Variants in PIP4K2A observed in about 807,000 individuals in gnomAD.
PIP4K2A encodes the protein phosphatidylinositol-5-phosphate 4-kinase type 2 alpha, also known as phosphatidylinositol 5-phosphate 4-kinase type-2 alpha.
Under a neutral mutation model 42.9 loss-of-function variants are expected in PIP4K2A, and 14 were observed. The observed-to-expected ratio is 0.33, with a 90% CI of 0.22 to 0.51. PIP4K2A has a LOEUF of 0.51. Among genes scored for constraint, PIP4K2A ranks in the 20% least tolerant of loss-of-function variants. PIP4K2A has a pLI of 0.97. For missense variants in PIP4K2A, 434 were observed against 519.8 expected (o/e 0.83, Z 1.61); for synonymous variants, 192 against 192.2 (o/e 1.00, Z 0.01).
At chr10:22,677,586 T>C (rs1481609360) in intron 1 of PIP4K2A, among the ~76,000 whole-genome samples, 2 of 152,232 alleles carry the variant, frequency 1.3e-5, no homozygotes, top group African/African-American at 2.4e-5. Context: ...AGAGGATGAA[T>C]GTGGAAACTG....
chr10:22,678,828 C>T (rs1290622005), intron 1 of PIP4K2A, among the ~76,000 whole-genome samples: 2 of 152,182 alleles, frequency 1.3e-5, no homozygotes, highest in Non-Finnish European at 2.9e-5. Context: ...TAGGTTATGT[C>T]TATCAATAGG....
At chr10:22,543,638 C>G (rs560845731) in intron 7 of PIP4K2A, among the ~76,000 whole-genome samples, 1 of 152,320 alleles carries the variant, frequency 6.6e-6, no homozygotes, top group Admixed American at 6.5e-5. Context: ...TTCCAGCAGT[C>G]AGAGACTGCG....
intron 1 of PIP4K2A, among the ~76,000 whole-genome samples, chr10:22,639,016 C>A (rs1838724304): frequency 6.6e-6 from 1 of 152,110 alleles, no homozygotes; most frequent in Admixed American, 6.5e-5. Flanking sequence ...CCACCAGAAG[C>A]CCTAGCCCAT....
chr10:22,571,885 C>T (rs1051134765), intron 5 of PIP4K2A, among the ~76,000 whole-genome samples: 9 of 152,186 alleles, frequency 5.9e-5, no homozygotes, highest in African/African-American at 1.7e-4. Flanking sequence ...TAAGTCAAGA[C>T]ATTACGGAGA....
intron 6 of PIP4K2A, among the ~76,000 whole-genome samples, chr10:22,557,724 T>C (rs1431607131): frequency 2.0e-5 from 3 of 152,208 alleles, no homozygotes; most frequent in Non-Finnish European, 4.4e-5. Flanking sequence ...TAAAATATCA[T>C]TGGATTTTTA....
chr10:22,617,280 A>G (rs1838197047), intron 1 of PIP4K2A, among the ~76,000 whole-genome samples: 1 of 152,280 alleles, frequency 6.6e-6, no homozygotes, highest in South Asian at 2.1e-4. Flanking sequence ...GGAATACTAA[A>G]TAGCTACTGG....
intron 4 of PIP4K2A, among the ~76,000 whole-genome samples, chr10:22,577,313 C>T (rs570131060): frequency 2.0e-5 from 3 of 152,074 alleles, no homozygotes; most frequent in Admixed American, 2.0e-4. Context: ...TATTTGTCCC[C>T]TCTAAACCTC....
chr10:22,579,794 A>G (rs1311377882), intron 4 of PIP4K2A, among the ~76,000 whole-genome samples: 3 of 149,310 alleles, frequency 2.0e-5, no homozygotes, highest in African/African-American at 5.2e-5. Flanking sequence ...CTGTAGTCCC[A>G]GCTACTCGGG....
Position 22,640,758 on chromosome 10 carries a change from T to C in PIP4K2A, c.145-31041A>G, listed in dbSNP as rs74799640. Among the ~76,000 whole-genome samples the C allele has an allele frequency of 7.0e-3, 1,066 of 152,268 alleles. 15 individuals carry two copies. The highest frequency in any genetic ancestry group is 0.065 in the East Asian group (339 of 5,176). ...TGACACTACGTTGCTTAAACATGGC[T>C]CAGTTTTGTATTCCCTAATGCAAAG... On this transcript the variant is annotated intron_variant, in intron 1 of 9. Transcript: ENST00000376573.
At chr10:22,689,211 A>G (rs1839815097) in intron 1 of PIP4K2A, among the ~76,000 whole-genome samples, 1 of 151,476 alleles carries the variant, frequency 6.6e-6, no homozygotes, top group Non-Finnish European at 1.5e-5. Flanking sequence ...CTTGGGAGCA[A>G]TCCCCCATCT....
At chr10:22,601,006 G>A (rs983107743) in intron 3 of PIP4K2A, among the ~76,000 whole-genome samples, 1 of 151,832 alleles carries the variant, frequency 6.6e-6, no homozygotes, top group African/African-American at 2.4e-5. Flanking sequence ...ATGACCAACA[G>A]AGAAAGCAAC....
chr10:22,609,172 T>C (rs1837977268), intron 2 of PIP4K2A, among the ~76,000 whole-genome samples: 1 of 152,206 alleles, frequency 6.6e-6, no homozygotes. Context: ...TAAAACAACA[T>C]TCAAATGAAG....
intron 1 of PIP4K2A, among the ~76,000 whole-genome samples, chr10:22,621,495 T>C (rs1472693973): frequency 6.6e-6 from 1 of 152,232 alleles, no homozygotes; most frequent in Non-Finnish European, 1.5e-5. Flanking sequence ...AAAACTAGAG[T>C]TCCCCAAGTA....
At chr10:22,654,186 T>C (rs758988516) in intron 1 of PIP4K2A, among the ~76,000 whole-genome samples, 3 of 152,204 alleles carry the variant, frequency 2.0e-5, no homozygotes, top group Non-Finnish European at 4.4e-5. Flanking sequence ...CATGTTTCCG[T>C]AAATTTTTCA....
intron 3 of PIP4K2A, among the ~76,000 whole-genome samples, chr10:22,605,754 G>A (rs1039165685): frequency 6.6e-5 from 10 of 151,948 alleles, no homozygotes; most frequent in Admixed American, 1.3e-4. Context: ...AAAGGACGTG[G>A]AGAGAAGGAG....
At chr10:22,628,828 C>G (rs1838496499) in intron 1 of PIP4K2A, among the ~76,000 whole-genome samples, 1 of 152,152 alleles carries the variant, frequency 6.6e-6, no homozygotes, top group Non-Finnish European at 1.5e-5. Flanking sequence ...TCAGAAAGAA[C>G]AGACTGTAAA....
At chr10:22,572,218 A>G (rs1837006646) in intron 5 of PIP4K2A, among the ~76,000 whole-genome samples, 1 of 152,226 alleles carries the variant, frequency 6.6e-6, no homozygotes. Context: ...GTGGTCCCAA[A>G]TGGTCTCTGC....
rs190727671 is a variant in PIP4K2A, at chr10:22,614,532, C to T, written c.145-4815G>A. On this transcript the variant is annotated intron_variant, in intron 1 of 9. Coordinates refer to ENST00000376573, the MANE Select transcript of PIP4K2A (RefSeq NM_005028.5). ...CCGGATTCCCCCCAGAAAACTTCTT[C>T]GTCAGGTGGTAGCTAGATTTAATGA... Among the ~76,000 whole-genome samples, 9 of 152,242 alleles carry T rather than the reference C, an allele frequency of 5.9e-5. No individual in the cohort carries two copies. The South Asian group carries it at 1.5e-3, about 25-fold the overall frequency.
At chr10:22,572,731 T>G (rs1837020174) in intron 5 of PIP4K2A, among the ~76,000 whole-genome samples, 1 of 152,242 alleles carries the variant, frequency 6.6e-6, no homozygotes, top group Non-Finnish European at 1.5e-5. Flanking sequence ...AGCCAGATTA[T>G]GTCACTCCAC....
Sources: allele counts gnomAD v4.1 joint callset (sites outside exome capture counted in the v4.1 genomes callset), GRCh38; gene constraint gnomAD v4.1.1; transcripts MANE v1.5; gene names NCBI Gene and HGNC (gene_info 2026-07-23, HGNC 2026-07-21).